Variants in SPECC1 observed in about 807,000 individuals in gnomAD.
SPECC1 encodes the protein sperm antigen with calponin homology and coiled-coil domains 1.
In SPECC1, 62 loss-of-function variants were observed where a neutral mutation model predicts 104.1. That is an observed-to-expected ratio of 0.60 (90% CI 0.49 to 0.74). The LOEUF (loss-of-function observed/expected upper bound fraction) is 0.74. SPECC1 is among the 30% of genes least tolerant of loss of function. The probability of loss-of-function intolerance (pLI) is 0.00; values close to 1 mark genes in which losing one functional copy is unlikely to be tolerated. For missense variants in SPECC1, 1,306 were observed against 1,310.5 expected (o/e 1.00, Z 0.05); for synonymous variants, 513 against 501.6 (o/e 1.02, Z -0.30).
intron 1 of SPECC1, among the ~76,000 whole-genome samples, chr17:20,065,504 G>A (rs915648012): frequency 6.6e-6 from 1 of 152,212 alleles, no homozygotes; most frequent in Non-Finnish European, 1.5e-5. Context: ...ATGAAGAGAA[G>A]TGTAGGACAA....
chr17:20,155,766 T>C, intron 3 of SPECC1: 1 of 316,324 alleles, frequency 3.2e-6, no homozygotes. Flanking sequence ...CCAGCCTACC[T>C]TGTGCAGCTG....
At chr17:20,071,484 G>A (rs889816637) in intron 1 of SPECC1, among the ~76,000 whole-genome samples, 2 of 151,940 alleles carry the variant, frequency 1.3e-5, no homozygotes, top group African/African-American at 4.8e-5. Context: ...ATGAATTTCA[G>A]GACAATTTTA....
intron 1 of SPECC1, among the ~76,000 whole-genome samples, chr17:20,084,780 G>C (rs551143545): frequency 5.4e-4 from 82 of 152,144 alleles, no homozygotes; most frequent in Non-Finnish European, 7.5e-4. Flanking sequence ...AGGTCAATGG[G>C]CTGTCTTTAA....
intron 13 of SPECC1, among the ~76,000 whole-genome samples, chr17:20,302,878 TAAA>T (rs35060925): frequency 2.3e-4 from 14 of 61,860 alleles, no homozygotes; most frequent in African/African-American, 8.8e-4. Context: ...TGAGCCCATC[TAAA>T]AAAAAAAAAA....
intron 1 of SPECC1, among the ~76,000 whole-genome samples, chr17:20,070,226 A>G (rs35770292): frequency 6.6e-6 from 1 of 152,140 alleles, no homozygotes; most frequent in South Asian, 2.1e-4. Context: ...ATTTTCACGT[A>G]AAGTACAATG....
intron 3 of SPECC1, chr17:20,155,479 C>T (rs556300627): frequency 2.6e-5 from 4 of 152,238 alleles, no homozygotes; most frequent in Non-Finnish European, 5.9e-5. Flanking sequence ...TAGTAATTTC[C>T]GACAGCGGCA....
intron 1 of SPECC1, among the ~76,000 whole-genome samples, chr17:20,081,523 G>A (rs955065758): frequency 2.8e-4 from 43 of 152,098 alleles, no homozygotes; most frequent in African/African-American, 9.2e-4. Context: ...CACAGGGACC[G>A]ACTGGAGGGC....
At chr17:20,203,763 T>A (rs1204302829) in intron 3 of SPECC1, among the ~76,000 whole-genome samples, 1 of 152,238 alleles carries the variant, frequency 6.6e-6, no homozygotes, top group East Asian at 1.9e-4. Context: ...GCAGATGTAC[T>A]AAATTGCAAG....
At chr17:20,308,784 G>A (rs2142191608) in intron 14 of SPECC1, among the ~76,000 whole-genome samples, 1 of 152,328 alleles carries the variant, frequency 6.6e-6, no homozygotes, top group African/African-American at 2.4e-5. Context: ...TCTGACCAGG[G>A]TGGAGTAGCA....
At chr17:20,048,633 G>A (rs1328781722) in intron 1 of SPECC1, among the ~76,000 whole-genome samples, 3 of 152,002 alleles carry the variant, frequency 2.0e-5, no homozygotes, top group South Asian at 2.1e-4. Context: ...AGGGCCAGGC[G>A]CGGTGGCTCA....
At chr17:20,059,308 CAT>C (rs2046091893) in intron 1 of SPECC1, among the ~76,000 whole-genome samples, 2 of 152,162 alleles carry the variant, frequency 1.3e-5, no homozygotes, top group African/African-American at 4.8e-5. Context: ...ATTAGAGTCT[CAT>C]AAAGAGCGGA....
intron 1 of SPECC1, among the ~76,000 whole-genome samples, chr17:20,076,075 C>T (rs976676980): frequency 2.0e-5 from 3 of 152,164 alleles, no homozygotes; most frequent in Middle Eastern, 3.2e-3. Context: ...TATGATCTCA[C>T]TACTGCATTT....
intron 13 of SPECC1, among the ~76,000 whole-genome samples, chr17:20,298,190 A>T (rs1481064638): frequency 6.6e-6 from 1 of 152,150 alleles, no homozygotes; most frequent in Non-Finnish European, 1.5e-5. Context: ...CATCTCTACT[A>T]AAAATACAAA....
At chr17:20,048,764 T>G (rs1017444048) in intron 1 of SPECC1, among the ~76,000 whole-genome samples, 1 of 151,662 alleles carries the variant, frequency 6.6e-6, no homozygotes, top group Non-Finnish European at 1.5e-5. Context: ...TGATGGCACG[T>G]GCCTGTAGTC....
At chr17:20,020,188 C>T (rs1027390548) in intron 1 of SPECC1, among the ~76,000 whole-genome samples, 1 of 152,178 alleles carries the variant, frequency 6.6e-6, no homozygotes. Flanking sequence ...CTGTCTGCAG[C>T]AGATGGTGTA....
At chr17:20,055,830 C>T (rs1301382503) in intron 1 of SPECC1, among the ~76,000 whole-genome samples, 1 of 152,186 alleles carries the variant, frequency 6.6e-6, no homozygotes, top group East Asian at 1.9e-4. Context: ...CCACTGGGCC[C>T]CCTCCGTTCT....
In SPECC1 at chr17:20,257,493, A is replaced by G. The variant is rs1322909090; in HGVS notation, c.2723A>G (p.His908Arg). 1.9e-6 allele frequency: 3 copies of G among 1,606,600 alleles called. No individual in the cohort carries two copies. The highest frequency in any genetic ancestry group is 1.7e-4 in the Middle Eastern group (1 of 6,032). ...ACTGAGACCCTGAAGCCAGACCCCC[A>G]CCTCCGCAAGAGTCCCTCACTAGAG... ...GRTETLKPDP[H>R]LRKSPSLESL... Residue 908 changes from histidine to arginine, a missense_variant, in exon 11 of 15, where the codon CAC becomes CGC. Around this residue, in one of 2 missense-constraint regions of SPECC1, gnomAD observed 1,177 missense variants for 1,139.9 expected, o/e 1.03. Transcript: ENST00000395527.
intron 3 of SPECC1, among the ~76,000 whole-genome samples, chr17:20,128,918 C>T (rs774197148): frequency 6.6e-6 from 1 of 151,942 alleles, no homozygotes; most frequent in South Asian, 2.1e-4. Context: ...TTAGAGACAG[C>T]GTCACACTCT....
chr17:20,088,267 T>C (rs994863116), intron 1 of SPECC1, among the ~76,000 whole-genome samples: 4 of 152,180 alleles, frequency 2.6e-5, no homozygotes, highest in Admixed American at 2.6e-4. Context: ...TGAAAAAAAG[T>C]CACATAACAT....
Sources: gnomAD v4.1 joint callset for allele counts (sites outside exome capture counted in the v4.1 genomes callset) on GRCh38, gnomAD v4.1.1 for gene constraint, gnomAD v4.1.1 regional missense constraint, MANE v1.5 for transcripts, NCBI Gene and HGNC (gene_info 2026-07-23, HGNC 2026-07-21) for gene names.